Variants in ANKS1A observed in about 807,000 individuals in gnomAD.
ANKS1A encodes ankyrin repeat and SAM domain-containing protein 1A.
Under a neutral mutation model 120.3 loss-of-function variants are expected in ANKS1A, and 55 were observed. That is an observed-to-expected ratio of 0.46 (90% CI 0.37 to 0.57). The LOEUF is 0.57. Ranked by LOEUF, ANKS1A falls within the 20% of genes least tolerant of loss-of-function variation. The probability of loss-of-function intolerance (pLI) is 0.00; values close to 1 mark genes in which losing one functional copy is unlikely to be tolerated. For synonymous variants in ANKS1A, 590 were observed against 604.7 expected (o/e 0.98, Z 0.36); for missense variants, 1,123 against 1,480.3 (o/e 0.76, Z 3.96).
intron 1 of ANKS1A, among the ~76,000 whole-genome samples, chr6:34,895,506 C>T (rs1368479220): frequency 1.3e-5 from 2 of 152,162 alleles, no homozygotes; most frequent in Non-Finnish European, 2.9e-5. Context: ...TACTTTTGCC[C>T]ACTACTGTGC....
At chr6:35,003,767 C>T (rs188554635) in intron 10 of ANKS1A, among the ~76,000 whole-genome samples, 65 of 152,008 alleles carry the variant, frequency 4.3e-4, no homozygotes, top group African/African-American at 1.5e-3. Context: ...ACAGAAGTGG[C>T]GAAAATAAGA....
At position 34,983,147 on chromosome 6, in the gene ANKS1A, G is replaced by T; in HGVS notation, c.843G>T (p.Leu281=). 1.2e-6 allele frequency: 2 copies of T among 1,614,136 alleles called. No homozygotes were observed. Among genetic ancestry groups the T allele is most frequent in the South Asian group, 2.2e-5 (2 of 91,026 alleles). ...TCAACATAAAAGATAACCATGGACT[G>T]ACTGCCCTAGACACTGTTCGGGAAC... ...TDVNIKDNHG[L]TALDTVRELP... Residue 281 remains leucine (L), a synonymous_variant, in exon 6 of 24, where the codon CTG becomes CTT. Transcript: ENST00000360359.
intron 13 of ANKS1A, among the ~76,000 whole-genome samples, chr6:35,061,797 A>G (rs1425302451): frequency 6.6e-6 from 1 of 152,176 alleles, no homozygotes; most frequent in African/African-American, 2.4e-5. Context: ...GAAGGATGAC[A>G]AACTCGGGGT....
intron 1 of ANKS1A, among the ~76,000 whole-genome samples, chr6:34,945,464 G>A (rs984120325): frequency 2.0e-5 from 3 of 152,166 alleles, no homozygotes; most frequent in Non-Finnish European, 4.4e-5. Flanking sequence ...AGTTGTTCCA[G>A]TACCAGTTGT....
chr6:34,916,630 T>A (rs112524351), intron 1 of ANKS1A, among the ~76,000 whole-genome samples: 1 of 152,154 alleles, frequency 6.6e-6, no homozygotes, highest in Non-Finnish European at 1.5e-5. Context: ...CCTCATTTGG[T>A]CTCTTGTAAA....
At chr6:35,012,099 A>G (rs1773789392) in intron 10 of ANKS1A, among the ~76,000 whole-genome samples, 1 of 152,200 alleles carries the variant, frequency 6.6e-6, no homozygotes, top group Admixed American at 6.5e-5. Flanking sequence ...TAGAACTGGT[A>G]GGGACTATAG....
In ANKS1A at chr6:35,088,034, G is replaced by C. The variant is rs144899154; in HGVS notation, c.3402-572G>C. On this transcript the variant is annotated intron_variant, in intron 23 of 23. Coordinates refer to ENST00000360359, the MANE Select transcript of ANKS1A (RefSeq NM_015245.3). Reference sequence around the variant, plus strand: ...CTTCCCTCACAGAACAGAGCTGCTGGAGGACAGGGACCTGGACCAAGTGGC... The same window carrying C: ...CTTCCCTCACAGAACAGAGCTGCTGCAGGACAGGGACCTGGACCAAGTGGC... 1.6e-4 allele frequency among the ~76,000 whole-genome samples: 24 copies of C among 152,342 alleles called. No individual in the cohort carries two copies. The East Asian group carries it at 4.6e-3, about 29-fold the overall frequency.
At chr6:35,017,062 G>C (rs1396682302) in intron 10 of ANKS1A, among the ~76,000 whole-genome samples, 1 of 151,092 alleles carries the variant, frequency 6.6e-6, no homozygotes, top group African/African-American at 2.4e-5. Context: ...CCCTGCTCGC[G>C]CTTGCTCACT....
intron 9 of ANKS1A, 59 bp downstream of exon 9, chr6:34,989,375 C>A: frequency 1.4e-6 from 2 of 1,472,342 alleles, no homozygotes; most frequent in South Asian, 1.2e-5. Context: ...AAAAGTGCAT[C>A]GATGTGTGCT....
intron 11 of ANKS1A, among the ~76,000 whole-genome samples, chr6:35,018,685 C>T (rs1205105000): frequency 1.3e-5 from 2 of 151,870 alleles, no homozygotes; most frequent in Non-Finnish European, 2.9e-5. Flanking sequence ...TCAGCCCTTG[C>T]CCCCACTCCC....
intron 11 of ANKS1A, among the ~76,000 whole-genome samples, chr6:35,053,828 A>T (rs1281109869): frequency 1.3e-5 from 2 of 152,212 alleles, no homozygotes; most frequent in Non-Finnish European, 2.9e-5. Context: ...AGATGCCTTG[A>T]AAGGGAGGCT....
At chr6:34,950,170 C>T (rs1236356698) in intron 1 of ANKS1A, among the ~76,000 whole-genome samples, 1 of 151,768 alleles carries the variant, frequency 6.6e-6, no homozygotes, top group East Asian at 1.9e-4. Flanking sequence ...ACAGTGAGAC[C>T]CTGTCTCTTA....
At chr6:35,015,509 TAAAG>T (rs1414771593) in intron 10 of ANKS1A, among the ~76,000 whole-genome samples, 1 of 150,456 alleles carries the variant, frequency 6.6e-6, no homozygotes, top group Non-Finnish European at 1.5e-5. Flanking sequence ...AAAAAAAAAA[TAAAG>T]AAGTGTAGAG....
At position 34,933,214 on chromosome 6, in the gene ANKS1A, T is replaced by A. The variant is rs1190376500; in HGVS notation, c.198-34025T>A. 2.0e-5 allele frequency among the ~76,000 whole-genome samples: 3 copies of A among 152,264 alleles called. No homozygotes were observed. In the South Asian group the frequency reaches 6.2e-4, roughly 31 times the overall value. ...TATGAGTAGTTCCTCTTTGGAAGTTTTATTTGGCAGTCTGGAATTCAAATT... is the reference window on the plus strand; with the variant it reads ...TATGAGTAGTTCCTCTTTGGAAGTTATATTTGGCAGTCTGGAATTCAAATT... On this transcript the variant is annotated intron_variant, in intron 1 of 23. Coordinates refer to ENST00000360359, the MANE Select transcript of ANKS1A (RefSeq NM_015245.3).
rs893491135 is a variant in ANKS1A at position 34,991,783 on chromosome 6, C to CAT, written c.1302+2477_1302+2478dup. On this transcript the variant is annotated intron_variant, in intron 9 of 23. Transcript: ENST00000360359. ...ATATATATACACATATATATACACACATATATATATACATATATATACACA... is the reference window on the plus strand; with the variant it reads ...ATATATATACACATATATATACACACATATATATATATACATATATATACACA... Among the ~76,000 whole-genome samples, 10 of 139,182 alleles carry CAT rather than the reference C, an allele frequency of 7.2e-5. No homozygotes were observed. The East Asian group carries it at 1.6e-3, about 22-fold the overall frequency. The allele number at this position is 139,182 out of a possible 152,430, so 91.3% of individuals were successfully genotyped here. A position where few individuals can be genotyped will look rare whatever the true frequency, so the allele number is the denominator to read the frequency against.
At chr6:34,985,018 A>G (rs1176069130) in intron 7 of ANKS1A, 64 bp from the exon 8 acceptor site, 32 of 1,503,768 alleles carry the variant, frequency 2.1e-5, no homozygotes, top group Non-Finnish European at 2.8e-5. Flanking sequence ...GGGTTGCTGC[A>G]GTGGTTGGAA....
intron 1 of ANKS1A, among the ~76,000 whole-genome samples, chr6:34,927,849 G>C (rs575329967): frequency 1.3e-5 from 2 of 152,278 alleles, no homozygotes; most frequent in African/African-American, 4.8e-5. Flanking sequence ...GGAAGGTTTA[G>C]TGTAAACAGG....
intron 13 of ANKS1A, among the ~76,000 whole-genome samples, chr6:35,071,541 C>T (rs988656422): frequency 3.9e-5 from 6 of 152,054 alleles, no homozygotes; most frequent in African/African-American, 1.4e-4. Context: ...AATGCCCCTA[C>T]CCATCATGGC....
At chr6:35,051,334 A>G (rs1775953026) in intron 11 of ANKS1A, among the ~76,000 whole-genome samples, 1 of 152,254 alleles carries the variant, frequency 6.6e-6, no homozygotes, top group African/African-American at 2.4e-5. Context: ...CTCTGATGCC[A>G]AAAGGCCCTT....
Sources: allele counts gnomAD v4.1 joint callset (sites outside exome capture counted in the v4.1 genomes callset), GRCh38; gene constraint gnomAD v4.1.1; transcripts MANE v1.5; gene names NCBI Gene and HGNC (gene_info 2026-07-23, HGNC 2026-07-21).